The following CNTN5 variants were observed in gnomAD, a reference collection of about 807,000 sequenced individuals.
CNTN5 encodes contactin-5.
A neutral mutation model predicts 129.1 loss-of-function variants in CNTN5; 77 were observed. The ratio of observed to expected loss-of-function variants is 0.60; its 90% CI spans 0.50 to 0.72. The LOEUF is 0.72. Ranked by LOEUF, CNTN5 falls within the 30% of genes least tolerant of loss-of-function variation. The pLI is 0.00. For missense variants in CNTN5, 1,478 were observed against 1,328.8 expected (o/e 1.11, Z -1.75); for synonymous variants, 509 against 465.6 (o/e 1.09, Z -1.20).
chr11:99,536,261 TC>T (rs1947896503), intron 2 of CNTN5, among the ~76,000 whole-genome samples: 1 of 132,672 alleles, frequency 7.5e-6, no homozygotes, highest in Non-Finnish European at 1.7e-5. Flanking sequence ...AATAAGAAAA[TC>T]TTTTTTTTAT....
chr11:99,713,785 T>A (rs1387405116), intron 3 of CNTN5, among the ~76,000 whole-genome samples: 1 of 151,950 alleles, frequency 6.6e-6, no homozygotes, highest in Non-Finnish European at 1.5e-5. Flanking sequence ...GTAAATTGAT[T>A]TTTTCCCTTC....
chr11:99,520,225 G>A (rs1484013230), intron 2 of CNTN5, among the ~76,000 whole-genome samples: 1 of 152,034 alleles, frequency 6.6e-6, no homozygotes, highest in African/African-American at 2.4e-5. Flanking sequence ...TATAAAGTGA[G>A]AGTTTCCTAA....
intron 13 of CNTN5, among the ~76,000 whole-genome samples, chr11:100,183,823 CT>C (rs1948213170): frequency 1.3e-5 from 2 of 152,076 alleles, no homozygotes; most frequent in African/African-American, 2.4e-5. Context: ...TCCCATTGCC[CT>C]TAAAATTAAG....
intron 2 of CNTN5, among the ~76,000 whole-genome samples, chr11:99,520,139 T>C (rs1306353832): frequency 6.6e-6 from 1 of 152,100 alleles, no homozygotes; most frequent in African/African-American, 2.4e-5. Context: ...GACTTAAAAA[T>C]TAAAGTATTT....
intron 1 of CNTN5, among the ~76,000 whole-genome samples, chr11:99,183,187 C>A (rs190099210): frequency 6.6e-6 from 1 of 152,244 alleles, no homozygotes; most frequent in African/African-American, 2.4e-5. Flanking sequence ...TGTCCTTAGG[C>A]TTCTAGAAGC....
At chr11:99,033,693 A>G (rs1348091543) in intron 1 of CNTN5, among the ~76,000 whole-genome samples, 3 of 151,652 alleles carry the variant, frequency 2.0e-5, no homozygotes, top group African/African-American at 7.3e-5. Context: ...TTTTCTAGAT[A>G]TACAATCATG....
chr11:99,130,241 T>C (rs1277223208), intron 1 of CNTN5, among the ~76,000 whole-genome samples: 7 of 152,110 alleles, frequency 4.6e-5, no homozygotes, highest in Admixed American at 4.6e-4. Context: ...GAGATACATA[T>C]AGGCTCAAAA....
At position 100,308,377 on chromosome 11, in the gene CNTN5, C is replaced by A; in HGVS notation, c.2639C>A (p.Thr880Lys). The change falls in exon 21 of 25, where the codon ACA becomes AAA. Residue 880 changes from threonine to lysine, a missense_variant. By Grantham distance (78) the Thr-to-Lys change is moderately conservative. Transcript: ENST00000524871. ...SAEGEPSAAP[T>K]DVKATSVSVS... Reference sequence around the variant, plus strand: ...CATACAGAACCCAGTGCTGCTCCCACAGATGTCAAGGCGACAAGTGTGTCT... The same window carrying A: ...CATACAGAACCCAGTGCTGCTCCCAAAGATGTCAAGGCGACAAGTGTGTCT... The A allele has an allele frequency of 6.2e-7, 1 of 1,610,878 alleles. No homozygotes were observed. The highest frequency in any genetic ancestry group is 8.5e-7 in the Non-Finnish European group (1 of 1,177,838).
intron 1 of CNTN5, among the ~76,000 whole-genome samples, chr11:99,099,971 T>C (rs1404065004): frequency 6.6e-6 from 1 of 152,200 alleles, no homozygotes; most frequent in Non-Finnish European, 1.5e-5. Flanking sequence ...GTTGAAATCA[T>C]ATTCTATTAT....
At chr11:99,479,296 T>C (rs941280899) in intron 2 of CNTN5, among the ~76,000 whole-genome samples, 2 of 151,850 alleles carry the variant, frequency 1.3e-5, no homozygotes, top group Non-Finnish European at 2.9e-5. Context: ...TAAGAAAATG[T>C]TATTTATTAT....
chr11:99,954,128 C>A (rs1016333515), intron 7 of CNTN5, among the ~76,000 whole-genome samples: 7 of 152,030 alleles, frequency 4.6e-5, no homozygotes, highest in South Asian at 2.1e-4. Flanking sequence ...ACATTTATCC[C>A]AGAACTTAAA....
chr11:99,723,793 CGT>C (rs1252137550), intron 3 of CNTN5, among the ~76,000 whole-genome samples: 10 of 143,356 alleles, frequency 7.0e-5, no homozygotes, highest in Admixed American at 1.4e-4. Context: ...CATGCGCACG[CGT>C]GTGTGTTTTG....
intron 18 of CNTN5, among the ~76,000 whole-genome samples, chr11:100,286,515 G>A (rs1474365704): frequency 4.8e-5 from 7 of 144,408 alleles, no homozygotes; most frequent in African/African-American, 7.9e-5. Context: ...TCACACGGCA[G>A]GGTATTCCAA....
intron 1 of CNTN5, among the ~76,000 whole-genome samples, chr11:99,127,307 G>C (rs1377045008): frequency 2.6e-5 from 4 of 152,032 alleles, no homozygotes; most frequent in African/African-American, 9.7e-5. Context: ...TGTCATAAAT[G>C]TTCATCTACA....
intron 3 of CNTN5, among the ~76,000 whole-genome samples, chr11:99,797,178 G>A (rs1591200300): frequency 6.6e-6 from 1 of 152,012 alleles, no homozygotes; most frequent in South Asian, 2.1e-4. Flanking sequence ...TTGATTCCAC[G>A]CCTTTGCTAT....
At chr11:100,188,287 T>G (rs932769101) in intron 13 of CNTN5, among the ~76,000 whole-genome samples, 1 of 151,910 alleles carries the variant, frequency 6.6e-6, no homozygotes, top group Non-Finnish European at 1.5e-5. Context: ...CTACAAAACA[T>G]ACAAAAATTA....
chr11:99,527,687 G>C (rs1696527161), intron 2 of CNTN5, among the ~76,000 whole-genome samples: 1 of 152,200 alleles, frequency 6.6e-6, no homozygotes, highest in South Asian at 2.1e-4. Context: ...GAAGCCATGT[G>C]AAGTGAGGTT....
chr11:99,223,676 T>A (rs1591379457), intron 1 of CNTN5, among the ~76,000 whole-genome samples: 1 of 152,262 alleles, frequency 6.6e-6, no homozygotes, highest in African/African-American at 2.4e-5. Flanking sequence ...TACATAGAAG[T>A]CCCCATTATT....
intron 13 of CNTN5, among the ~76,000 whole-genome samples, chr11:100,178,257 G>T (rs1186970421): frequency 6.6e-6 from 1 of 152,020 alleles, no homozygotes; most frequent in Non-Finnish European, 1.5e-5. Flanking sequence ...CACTATTCTG[G>T]TCTGTTTTAT....
Sources: gnomAD v4.1 joint callset for allele counts (sites outside exome capture counted in the v4.1 genomes callset) on GRCh38, gnomAD v4.1.1 for gene constraint, MANE v1.5 for transcripts, NCBI Gene and HGNC (gene_info 2026-07-23, HGNC 2026-07-21) for gene names.